GGA2: variants seen among roughly 807,000 people sequenced by gnomAD.
GGA2 encodes golgi associated, gamma adaptin ear containing, ARF binding protein 2.
GGA2 carries 48 observed loss-of-function variants against 79.5 expected under a neutral mutation model. That is an observed-to-expected ratio of 0.60 (90% CI 0.48 to 0.77). The LOEUF is 0.77. Among genes scored for constraint, GGA2 ranks in the 30% least tolerant of loss-of-function variants. The pLI, the probability that GGA2 is intolerant of heterozygous loss-of-function variation, is 0.00. For missense variants in GGA2, 770 were observed against 774.0 expected, an observed-to-expected ratio of 0.99 and a Z score of 0.06; for synonymous variants, 317 against 302.0, an observed-to-expected ratio of 1.05 and a Z score of -0.51.
chr16:23,494,049 G>A (rs1397843460), intron 3 of GGA2: 1 of 519,930 alleles, frequency 1.9e-6, no homozygotes, highest in Non-Finnish European at 3.5e-6. Context: ...GTCTAAGAAG[G>A]GCAAATGAAA....
chr16:23,495,328 T>G (rs1413246523), intron 2 of GGA2: 3 of 163,940 alleles, frequency 1.8e-5, no homozygotes, highest in Admixed American at 6.1e-5. Flanking sequence ...TTTATAACAG[T>G]ATTTAAAATT....
intron 5 of GGA2, among the ~76,000 whole-genome samples, chr16:23,490,479 A>T (rs1422348684): frequency 6.6e-6 from 1 of 152,102 alleles, no homozygotes; most frequent in African/African-American, 2.4e-5. Flanking sequence ...TCACGCCTGT[A>T]ATTCCAGCAC....
At chr16:23,472,100 C>T (rs1258129306) in intron 14 of GGA2, among the ~76,000 whole-genome samples, 1 of 151,080 alleles carries the variant, frequency 6.6e-6, no homozygotes, top group Non-Finnish European at 1.5e-5. Flanking sequence ...ATTATGATCT[C>T]CTCATAATCA....
rs935507598 is a variant in GGA2, at chr16:23,466,669, A to T, written c.*921T>A. 1 of 146,044 alleles carries T rather than the reference A, an allele frequency of 6.8e-6. No homozygotes were observed. The highest frequency in any genetic ancestry group is 6.8e-5 in the Admixed American group (1 of 14,722). 9.0% of individuals were successfully genotyped at this position (146,044 alleles called of 1,614,324 possible). A position where few individuals can be genotyped will look rare whatever the true frequency, so the allele number is the denominator to read the frequency against. The stretch of plus-strand genomic sequence containing the variant: ...TCACTGCTAAGCTCTCTTCATGTCT[A>T]TCTGTACCACAGTTTCCCATCTTAG... On this transcript the variant is annotated 3_prime_UTR_variant, in exon 17 of 17. Coordinates refer to ENST00000309859, the MANE Select transcript of GGA2 (RefSeq NM_015044.4).
At chr16:23,520,239 G>C (rs35439757) in intron 1 of GGA2, among the ~76,000 whole-genome samples, 3,466 of 121,730 alleles carry the variant, frequency 0.028, 83 homozygotes, top group Admixed American at 0.057. Flanking sequence ...GGCAACAAGA[G>C]TGAAACTACG....
At chr16:23,468,227 G>T (rs774591942) in intron 16 of GGA2, among the ~76,000 whole-genome samples, 10 of 152,124 alleles carry the variant, frequency 6.6e-5, no homozygotes, top group African/African-American at 1.2e-4. Context: ...CACCAGGCTG[G>T]AGTGCAGTGG....
chr16:23,478,194 G>A (rs369926015), intron 13 of GGA2, among the ~76,000 whole-genome samples, 174 bp downstream of exon 13: 60 of 133,146 alleles, frequency 4.5e-4, no homozygotes, highest in African/African-American at 1.5e-3. Context: ...GTGAGACCCC[G>A]TCTCAAAAAA....
rs765734680 is a variant in GGA2, at chr16:23,474,888, G to A, written c.1450+16C>T. 2 of 1,582,848 alleles carry A rather than the reference G, an allele frequency of 1.3e-6. No individual in the cohort carries two copies. The highest frequency in any genetic ancestry group is 1.1e-5 in the South Asian group (1 of 90,286). On this transcript the variant is annotated intron_variant, in intron 14 of 16. Transcript: ENST00000309859. ...AGGGAAAAAAAAAAAAAGGTGGGGA[G>A]TGAAATTGTACTTACTGGGCTTAAC...
upstream of GGA2, among the ~76,000 whole-genome samples, chr16:23,514,155 G>T (rs1218418371): frequency 3.3e-5 from 5 of 152,082 alleles, no homozygotes; most frequent in East Asian, 9.7e-4. Context: ...GCCCAGGCTG[G>T]AGTGCAGTGG....
intron 1 of GGA2, chr16:23,501,433 G>A: frequency 2.3e-6 from 1 of 436,126 alleles, no homozygotes; most frequent in South Asian, 1.6e-5. Flanking sequence ...AGCTACTTGA[G>A]TTTAATATTC....
intron 3 of GGA2, chr16:23,493,706 T>G (rs1964819195): frequency 2.2e-6 from 1 of 458,280 alleles, no homozygotes; most frequent in South Asian, 2.4e-5. Context: ...TGTCAAACCC[T>G]GAGGTCACCC....
intron 14 of GGA2, among the ~76,000 whole-genome samples, chr16:23,474,190 T>A (rs1291869943): frequency 6.6e-6 from 1 of 152,210 alleles, no homozygotes; most frequent in African/African-American, 2.4e-5. Context: ...GAATTCTACC[T>A]CTTGCCAGTC....
chr16:23,477,338 G>C (rs894323773), intron 13 of GGA2, among the ~76,000 whole-genome samples: 2 of 152,160 alleles, frequency 1.3e-5, no homozygotes, highest in Non-Finnish European at 2.9e-5. Context: ...TGAATCATGG[G>C]TGCAGTTTCC....
chr16:23,477,827 G>A (rs183025254), intron 13 of GGA2, among the ~76,000 whole-genome samples: 4 of 152,264 alleles, frequency 2.6e-5, no homozygotes, highest in African/African-American at 4.8e-5. Context: ...ATGGAACTAT[G>A]AGTCCATTAA....
intron 1 of GGA2, among the ~76,000 whole-genome samples, chr16:23,502,814 C>A (rs1964934190): frequency 6.6e-6 from 1 of 152,234 alleles, no homozygotes; most frequent in Non-Finnish European, 1.5e-5. Context: ...AATTTTCTGG[C>A]TTCCAAAATA....
At chr16:23,506,415 G>C (rs1964974408) in intron 1 of GGA2, among the ~76,000 whole-genome samples, 2 of 152,136 alleles carry the variant, frequency 1.3e-5, no homozygotes, top group South Asian at 2.1e-4. Context: ...CCACATTCCT[G>C]ATGTCCAGTC....
intron 1 of GGA2, among the ~76,000 whole-genome samples, chr16:23,503,098 G>A (rs1964937292): frequency 6.6e-6 from 1 of 152,192 alleles, no homozygotes. Context: ...GGCTCTCTGG[G>A]AGTTACCTTT....
intron 14 of GGA2, among the ~76,000 whole-genome samples, chr16:23,471,895 C>T (rs915701329): frequency 6.6e-6 from 1 of 151,896 alleles, no homozygotes; most frequent in Non-Finnish European, 1.5e-5. Flanking sequence ...GGCGATGGAG[C>T]GAGGCCCCAT....
chr16:23,468,116 TCTTCTC>T (rs71876061), intron 16 of GGA2, among the ~76,000 whole-genome samples: 12,429 of 152,108 alleles, frequency 0.082, 873 homozygotes, highest in African/African-American at 0.19. Context: ...TTTCTTTTTC[TCTTCTC>T]CTTCCTTCCT....
Sources: allele counts gnomAD v4.1 joint callset (sites outside exome capture counted in the v4.1 genomes callset), GRCh38; gene constraint gnomAD v4.1.1; transcripts MANE v1.5; gene names NCBI Gene and HGNC (gene_info 2026-07-23, HGNC 2026-07-21).